The following NEDD4L variants were observed in gnomAD, a reference collection of about 807,000 sequenced individuals.
The protein encoded by NEDD4L is NEDD4 like E3 ubiquitin protein ligase.
A neutral mutation model predicts 148.9 loss-of-function variants in NEDD4L; 54 were observed. That is an observed-to-expected ratio of 0.36 (90% CI 0.29 to 0.45). The LOEUF is 0.45. Ranked by LOEUF, NEDD4L falls within the 20% of genes least tolerant of loss-of-function variation. The probability of loss-of-function intolerance (pLI) is 1.00; values close to 1 mark genes in which losing one functional copy is unlikely to be tolerated. For missense variants in NEDD4L, 856 were observed against 1,233.8 expected (o/e 0.69, Z 4.59); for synonymous variants, 433 against 440.7 (o/e 0.98, Z 0.22).
Position 58,391,568 on chromosome 18 carries a change from CA to C in NEDD4L, c.2825+14del. 6.4e-7 allele frequency: 1 copy of C among 1,555,890 alleles called. No homozygotes were observed. Among genetic ancestry groups the C allele is most frequent in the South Asian group, 1.2e-5 (1 of 84,454 alleles). Reference sequence around the variant, plus strand: ...CCCAGAGCTCACACATGGTGAGTGACAAAAACACATGCATGTCAATGCAATA... The same window carrying C: ...CCCAGAGCTCACACATGGTGAGTGACAAAACACATGCATGTCAATGCAATA... On this transcript the variant is annotated intron_variant, in intron 30 of 30. Coordinates refer to ENST00000400345, the MANE Select transcript of NEDD4L (RefSeq NM_001144967.3).
chr18:58,207,656 A>G (rs1481652083), intron 2 of NEDD4L, among the ~76,000 whole-genome samples: 1 of 152,154 alleles, frequency 6.6e-6, no homozygotes, highest in East Asian at 1.9e-4. Flanking sequence ...CCCATCCCCC[A>G]GTGATGTTTG....
At chr18:58,365,550 G>A (rs572595318) in intron 20 of NEDD4L, among the ~76,000 whole-genome samples, 5 of 152,300 alleles carry the variant, frequency 3.3e-5, no homozygotes, top group African/African-American at 1.2e-4. Flanking sequence ...TTGAGGCAGC[G>A]TGGATTATAT....
rs916887930 is a variant in NEDD4L, at chr18:58,255,982, C to T, written c.297+3928C>T. ...GGTGCGGGCCGCCCGAGGGCGCCGACGATGGGCCTCCATGCGCAACGCCCG... is the reference window on the plus strand; with the variant it reads ...GGTGCGGGCCGCCCGAGGGCGCCGATGATGGGCCTCCATGCGCAACGCCCG... On this transcript the variant is annotated intron_variant, in intron 5 of 30. Transcript: ENST00000400345. 64 of 1,230,744 alleles carry T rather than the reference C, an allele frequency of 5.2e-5. No homozygotes were observed. The African/African-American group carries it at 9.5e-4, about 18-fold the overall frequency. The allele number at this position is 1,230,744 out of a possible 1,614,324, so 76.2% of individuals were successfully genotyped here.
At chr18:58,270,987 T>C (rs1323921919) in intron 5 of NEDD4L, among the ~76,000 whole-genome samples, 1 of 152,150 alleles carries the variant, frequency 6.6e-6, no homozygotes, top group Non-Finnish European at 1.5e-5. Context: ...TGGAATCAGA[T>C]AGATTTTTGT....
chr18:58,183,830 C>T (rs191191178), intron 2 of NEDD4L, among the ~76,000 whole-genome samples: 432 of 152,332 alleles, frequency 2.8e-3, no homozygotes, highest in Non-Finnish European at 4.8e-3. Context: ...AACTTCTACC[C>T]TCTTTCCTAT....
Position 58,206,077 on chromosome 18 carries a change from G to A in NEDD4L, c.123-39350G>A, listed in dbSNP as rs566884914. On this transcript the variant is annotated intron_variant, in intron 2 of 30. Transcript: ENST00000400345. ...AGGAATGAAAGATGCTCCCCTTTGC[G>A]CTGGGTACAGGATGCACTGAAACTT... Among the ~76,000 whole-genome samples, 8 of 152,174 alleles carry A rather than the reference G, an allele frequency of 5.3e-5. No individual in the cohort carries two copies. In the South Asian group the frequency reaches 1.0e-3, roughly 20 times the overall value.
chr18:58,175,879 C>A (rs1379446539), intron 2 of NEDD4L, among the ~76,000 whole-genome samples: 1 of 152,210 alleles, frequency 6.6e-6, no homozygotes, highest in African/African-American at 2.4e-5. Flanking sequence ...AAAAATATGT[C>A]AATCCTAGCC....
At chr18:58,382,851 A>G (rs1306746567) in intron 24 of NEDD4L, among the ~76,000 whole-genome samples, 3 of 152,218 alleles carry the variant, frequency 2.0e-5, no homozygotes, top group South Asian at 2.1e-4. Flanking sequence ...TTTTATGACT[A>G]GAAAATATAA....
At chr18:58,272,676 T>A (rs1169296105) in intron 5 of NEDD4L, among the ~76,000 whole-genome samples, 4 of 151,302 alleles carry the variant, frequency 2.6e-5, no homozygotes. Flanking sequence ...CAAAAAAGAA[T>A]AAATTAAGTC....
At chr18:58,083,463 G>A (rs2145156659) in intron 1 of NEDD4L, among the ~76,000 whole-genome samples, 1 of 152,298 alleles carries the variant, frequency 6.6e-6, no homozygotes, top group Admixed American at 6.5e-5. Flanking sequence ...TGAAGCGGGT[G>A]GATCACGAGG....
chr18:58,113,247 C>A (rs566442318), intron 1 of NEDD4L, among the ~76,000 whole-genome samples: 1 of 152,326 alleles, frequency 6.6e-6, no homozygotes, highest in African/African-American at 2.4e-5. Context: ...AGTGATGAGT[C>A]TGAATTTCAT....
intron 2 of NEDD4L, among the ~76,000 whole-genome samples, chr18:58,168,484 TG>T (rs2037142956): frequency 6.6e-6 from 1 of 152,208 alleles, no homozygotes; most frequent in African/African-American, 2.4e-5. Context: ...AACTGGCATG[TG>T]GGGAAGAACC....
At chr18:58,095,698 A>T (rs1057509407) in intron 1 of NEDD4L, among the ~76,000 whole-genome samples, 1 of 152,188 alleles carries the variant, frequency 6.6e-6, no homozygotes, top group Non-Finnish European at 1.5e-5. Flanking sequence ...AATCATTTCC[A>T]TAGTTTCTTC....
At chr18:58,317,328 C>G (rs1351625790) in intron 6 of NEDD4L, among the ~76,000 whole-genome samples, 1 of 152,168 alleles carries the variant, frequency 6.6e-6, no homozygotes, top group African/African-American at 2.4e-5. Flanking sequence ...CTTTTGTGAG[C>G]AAAGACCTCG....
rs2046079725 is a variant in NEDD4L at position 58,366,114 on chromosome 18, T to C, written c.1949T>C (p.Ile650Thr). 1 of 1,613,638 alleles carries C rather than the reference T, an allele frequency of 6.2e-7. No individual in the cohort carries two copies. Among genetic ancestry groups the C allele is most frequent in the Non-Finnish European group, 8.5e-7 (1 of 1,179,746 alleles). The change falls in exon 21 of 31, where the codon ATT (isoleucine) becomes ACT (threonine). Residue 650 changes from isoleucine (I) to threonine (T), a missense_variant. Ile to Thr is a moderately conservative substitution (Grantham distance 89). This residue lies in a region of NEDD4L where 286 missense variants were observed against 531.8 expected (regional missense o/e 0.54). Coordinates refer to ENST00000400345, the MANE Select transcript of NEDD4L (RefSeq NM_001144967.3). The surrounding 1 kb of genome is among the most constrained non-coding windows in gnomAD (Gnocchi z 4.2). Reference protein sequence around the residue: ...RPDVLKARLWIEFESEKGLDY... With the variant: ...RPDVLKARLWTEFESEKGLDY... ...GATGTCCTAAAAGCTAGACTGTGGATTGAGTTTGAATCAGAGAAAGGTCTT... is the reference window on the plus strand; with the variant it reads ...GATGTCCTAAAAGCTAGACTGTGGACTGAGTTTGAATCAGAGAAAGGTCTT...
chr18:58,389,381 G>A (rs1158159075), intron 28 of NEDD4L, 189 bp downstream of exon 28: 7 of 519,574 alleles, frequency 1.3e-5, no homozygotes, highest in Non-Finnish European at 2.4e-5. Flanking sequence ...TGTAACTGTA[G>A]CAGACAGCTA....
chr18:58,218,679 G>A (rs1275368435), intron 2 of NEDD4L, among the ~76,000 whole-genome samples: 2 of 152,054 alleles, frequency 1.3e-5, no homozygotes, highest in African/African-American at 2.4e-5. Context: ...CAGACACATC[G>A]AATCCCCCAC....
intron 2 of NEDD4L, among the ~76,000 whole-genome samples, chr18:58,193,130 A>G (rs2040296466): frequency 6.6e-6 from 1 of 152,182 alleles, no homozygotes; most frequent in Admixed American, 6.5e-5. Flanking sequence ...CATTTTATTT[A>G]GGAGCTATTT....
intron 6 of NEDD4L, among the ~76,000 whole-genome samples, chr18:58,319,855 T>G (rs1287747893): frequency 6.6e-6 from 1 of 152,170 alleles, no homozygotes; most frequent in Non-Finnish European, 1.5e-5. Flanking sequence ...GGCTAGTGTT[T>G]GTTGAGTGTG....
Sources: gnomAD v4.1 joint callset for allele counts (sites outside exome capture counted in the v4.1 genomes callset) on GRCh38, gnomAD v4.1.1 for gene constraint, gnomAD v4.1.1 regional missense constraint, Gnocchi (gnomAD v3.1) non-coding constraint, MANE v1.5 for transcripts, NCBI Gene and HGNC (gene_info 2026-07-23, HGNC 2026-07-21) for gene names.